Variants in TMEM17 observed in about 807,000 individuals in gnomAD.
TMEM17 encodes the protein transmembrane protein 17.
In TMEM17, 15 loss-of-function variants were observed where a neutral mutation model predicts 19.1. That is an observed-to-expected ratio of 0.78 (90% CI 0.52 to 1.21). TMEM17 has a LOEUF of 1.21. TMEM17 is among the 50% of genes most tolerant of loss of function. The probability of loss-of-function intolerance (pLI) is 0.00; values close to 1 mark genes in which losing one functional copy is unlikely to be tolerated. For missense variants in TMEM17, 245 were observed against 242.3 expected (o/e 1.01, Z -0.07); for synonymous variants, 103 against 86.9 (o/e 1.19, Z -1.03).
At chr2:62,459,266 C>A in the TMEM17 span, among the ~76,000 whole-genome samples, 3 of 152,250 alleles carry the variant, frequency 2.0e-5, no homozygotes, top group African/African-American at 7.2e-5. Context: ...AGGGCAGCAG[C>A]TGCAGCTGCA....
At chr2:62,505,198 G>T (rs1680032269) in intron 1 of TMEM17, among the ~76,000 whole-genome samples, 1 of 152,178 alleles carries the variant, frequency 6.6e-6, no homozygotes, top group Non-Finnish European at 1.5e-5. Context: ...TCCCAGCAGA[G>T]TTGAATGATG....
the TMEM17 span, among the ~76,000 whole-genome samples, chr2:62,481,668 A>C: frequency 0.34 from 50,926 of 150,962 alleles, 9,007 homozygotes; most frequent in South Asian, 0.49. Flanking sequence ...TATTAGTCAG[A>C]GTCTAATGAG....
At chr2:62,497,351 A>C (rs1485870418), downstream of TMEM17, among the ~76,000 whole-genome samples, 1 of 152,232 alleles carries the variant, frequency 6.6e-6, no homozygotes, top group Non-Finnish European at 1.5e-5. Flanking sequence ...TGAAAAATTA[A>C]AGACAGAATA....
chr2:62,490,619 G>A, the TMEM17 span, among the ~76,000 whole-genome samples: 9 of 152,114 alleles, frequency 5.9e-5, no homozygotes, highest in African/African-American at 1.4e-4. Context: ...CTCATATTTC[G>A]AAGCTTAAAA....
intron 2 of TMEM17, 30 bp downstream of exon 2, chr2:62,502,659 AGG>A: frequency 6.5e-7 from 1 of 1,533,576 alleles, no homozygotes; most frequent in Non-Finnish European, 8.9e-7. Flanking sequence ...TAACAACGTC[AGG>A]GCAGCAAAAG....
rs1039457025 is a variant in TMEM17 at position 62,502,479 on chromosome 2, G to T, written c.276C>A (p.Ala92=). Reference sequence around the variant, plus strand: ...CCACGTAGCCCAGATACAACCGGATGGCTTCAATTAAGGTTATTAGGATGA... The same window carrying T: ...CCACGTAGCCCAGATACAACCGGATTGCTTCAATTAAGGTTATTAGGATGA... ...TVIILITLIE[A]IRLYLGYVGN... Residue 92 remains alanine (A), a synonymous_variant, in exon 3 of 4, where the codon GCC becomes GCA. Transcript: ENST00000335390. The T allele has an allele frequency of 8.1e-6, 13 of 1,612,996 alleles. No individual in the cohort carries two copies. In the African/African-American group the frequency reaches 1.7e-4, roughly 22 times the overall value.
At chr2:62,497,530 C>G (rs550840153), downstream of TMEM17, among the ~76,000 whole-genome samples, 1 of 148,698 alleles carries the variant, frequency 6.7e-6, no homozygotes, top group East Asian at 1.9e-4. Context: ...TTAATACCCA[C>G]TCATTCTTTA....
chr2:62,484,202 C>A, the TMEM17 span, among the ~76,000 whole-genome samples: 1 of 152,364 alleles, frequency 6.6e-6, no homozygotes, highest in East Asian at 1.9e-4. Context: ...TCTAGAGCAG[C>A]ACCATCCATT....
At chr2:62,498,524 G>A (rs1480163222), downstream of TMEM17, among the ~76,000 whole-genome samples, 5 of 150,486 alleles carry the variant, frequency 3.3e-5, no homozygotes, top group Non-Finnish European at 7.4e-5. Context: ...AGACCATCCC[G>A]GCTAAAACGG....
At chr2:62,466,387 G>T in the TMEM17 span, among the ~76,000 whole-genome samples, 1 of 152,184 alleles carries the variant, frequency 6.6e-6, no homozygotes, top group Non-Finnish European at 1.5e-5. Context: ...ACGCTGAAGC[G>T]CAAAAGGGAG....
the TMEM17 span, among the ~76,000 whole-genome samples, chr2:62,470,348 G>A: frequency 6.6e-6 from 1 of 151,998 alleles, no homozygotes; most frequent in Non-Finnish European, 1.5e-5. Context: ...TCTACTGTAA[G>A]GTTCTGATCT....
Position 62,506,123 on chromosome 2 carries a change from G to C in TMEM17, c.7C>G (p.Leu3Val). The change falls in exon 1 of 4, where the codon CTG (leucine) becomes GTG (valine). Residue 3 changes from leucine (L) to valine (V), a missense_variant. Physicochemically the swap from Leu to Val is conservative, Grantham distance 32. Transcript: ENST00000335390. Reference protein sequence around the residue: MELPDPVRQRLGN... With the variant: MEVPDPVRQRLGN... ...AGCCGCTGGCGCACCGGATCCGGCAGCTCCATGCCTGGGCCTCAGTATCCC... is the reference window on the plus strand; with the variant it reads ...AGCCGCTGGCGCACCGGATCCGGCACCTCCATGCCTGGGCCTCAGTATCCC... The C allele has an allele frequency of 6.2e-7, 1 of 1,608,844 alleles. No homozygotes were observed. Among genetic ancestry groups the C allele is most frequent in the Non-Finnish European group, 8.5e-7 (1 of 1,177,986 alleles).
chr2:62,489,631 T>C, the TMEM17 span, among the ~76,000 whole-genome samples: 6 of 152,274 alleles, frequency 3.9e-5, no homozygotes, highest in African/African-American at 1.2e-4. Context: ...AAGAGCTTAC[T>C]GGGGGCTTGG....
the TMEM17 span, among the ~76,000 whole-genome samples, chr2:62,477,737 AG>A: frequency 6.6e-6 from 1 of 152,260 alleles, no homozygotes; most frequent in Non-Finnish European, 1.5e-5. Flanking sequence ...AATGTGGGCC[AG>A]GCCCCTTCCT....
At chr2:62,471,645 T>C in the TMEM17 span, among the ~76,000 whole-genome samples, 4 of 152,296 alleles carry the variant, frequency 2.6e-5, no homozygotes, top group South Asian at 2.1e-4. Flanking sequence ...GCACCTATCC[T>C]GAAGGAGTGC....
chr2:62,495,658 C>T (rs950795008), downstream of TMEM17, among the ~76,000 whole-genome samples: 6 of 119,920 alleles, frequency 5.0e-5, no homozygotes, highest in Non-Finnish European at 8.9e-5. Flanking sequence ...GTAAACTCTT[C>T]TGTTTGCCGC....
the TMEM17 span, among the ~76,000 whole-genome samples, chr2:62,480,214 CT>C: frequency 6.6e-6 from 1 of 151,796 alleles, no homozygotes; most frequent in Non-Finnish European, 1.5e-5. Context: ...TGTAAGTCTT[CT>C]TTTGAGAAAT....
At chr2:62,454,110 G>A in the TMEM17 span, among the ~76,000 whole-genome samples, 2 of 152,248 alleles carry the variant, frequency 1.3e-5, no homozygotes, top group African/African-American at 4.8e-5. Flanking sequence ...AGAGCTAAAT[G>A]GGATTGGCAG....
At chr2:62,489,072 A>G in the TMEM17 span, among the ~76,000 whole-genome samples, 4 of 152,316 alleles carry the variant, frequency 2.6e-5, no homozygotes, top group East Asian at 7.7e-4. Flanking sequence ...TGAAAATGGT[A>G]AATGTATCCT....
Sources: allele counts gnomAD v4.1 joint callset (sites outside exome capture counted in the v4.1 genomes callset), GRCh38; gene constraint gnomAD v4.1.1; transcripts MANE v1.5; gene names NCBI Gene and HGNC (gene_info 2026-07-23, HGNC 2026-07-21).